Variants in BRME1 observed in about 807,000 individuals in gnomAD.
The protein encoded by BRME1 is BRCA2 and MEILB2-associating protein 1.
In BRME1, 31 loss-of-function variants were observed where a neutral mutation model predicts 52.6. The observed-to-expected ratio is 0.59, with a 90% CI of 0.44 to 0.80. The LOEUF (loss-of-function observed/expected upper bound fraction) is 0.80, where lower values mean the gene tolerates loss of function less well. Among genes scored for constraint, BRME1 ranks in the 30% least tolerant of loss-of-function variants. The probability of loss-of-function intolerance (pLI) is 0.00; values close to 1 mark genes in which losing one functional copy is unlikely to be tolerated. For missense variants in BRME1, 804 were observed against 860.3 expected (o/e 0.93, Z 0.82); for synonymous variants, 359 against 353.6 (o/e 1.02, Z -0.17).
chr19:13,891,610 AG>A (rs1311344223), intron 5 of BRME1, among the ~76,000 whole-genome samples: 2 of 151,744 alleles, frequency 1.3e-5, no homozygotes, highest in Admixed American at 1.3e-4. Context: ...CTGGGACTAC[AG>A]GTACACACCA....
At position 13,888,700 on chromosome 19, in the gene BRME1, A is replaced by C. The variant is rs575073838; in HGVS notation, c.1668+488T>G. Reference sequence around the variant, plus strand: ...ACTTATGTATGTTTGGAAAAGAATCATATCAGGACCCCCAGAGGACCCTAA... The same window carrying C: ...ACTTATGTATGTTTGGAAAAGAATCCTATCAGGACCCCCAGAGGACCCTAA... On this transcript the variant is annotated intron_variant, in intron 6 of 8. Coordinates refer to ENST00000586783, the MANE Select transcript of BRME1 (RefSeq NM_001345843.2). The surrounding 1 kb of genome is among the most constrained non-coding windows in gnomAD (Gnocchi z 4.1). Among the ~76,000 whole-genome samples the C allele has an allele frequency of 6.6e-6, 1 of 152,178 alleles. No individual in the cohort carries two copies. Among genetic ancestry groups the C allele is most frequent in the East Asian group, 1.9e-4 (1 of 5,192 alleles).
rs1968785936 is a variant in BRME1 at position 13,883,521 on chromosome 19, T to G, written c.1764-121A>C. 1 of 754,550 alleles carries G rather than the reference T, an allele frequency of 1.3e-6. No homozygotes were observed. Among genetic ancestry groups the G allele is most frequent in the Admixed American group, 2.3e-5 (1 of 44,312 alleles). 46.7% of individuals were successfully genotyped at this position (754,550 alleles called of 1,614,324 possible). A position where few individuals can be genotyped will look rare whatever the true frequency, so the allele number is the denominator to read the frequency against. ...TTTCCAGGTGTCCAGCCTGTCCTCC[T>G]CTGTTCACGACAGAACCCTGATGGC... On this transcript the variant is annotated intron_variant, in intron 7 of 8. Transcript: ENST00000586783. This position sits in a 1 kb window ranked among gnomAD's most constrained non-coding sequence, Gnocchi z 4.2.
At position 13,882,868 on chromosome 19, in the gene BRME1, G is replaced by C. The variant is rs757660155; in HGVS notation, c.1941C>G (p.Pro647=). 5 of 1,614,014 alleles carry C rather than the reference G, an allele frequency of 3.1e-6. No homozygotes were observed. The East Asian group carries it at 6.7e-5, about 22-fold the overall frequency. The change falls in exon 9 of 9, where the codon CCC becomes CCG. Residue 647 remains proline, a synonymous_variant. Coordinates refer to ENST00000586783, the MANE Select transcript of BRME1 (RefSeq NM_001345843.2). ...CAGGCCCCTTGGAAGGGTAAGGCAG[G>C]GGGGCTTTGCCTCCCAGCTTTGTCT... The part of the protein sequence containing the change: ...YRKTKLGGKA[P]LPYPSKGPGN...
In BRME1 at chr19:13,888,961, C is replaced by T. The variant is rs564572120; in HGVS notation, c.1668+227G>A. 1.3e-5 allele frequency among the ~76,000 whole-genome samples: 2 copies of T among 152,238 alleles called. No homozygotes were observed. Among genetic ancestry groups the T allele is most frequent in the South Asian group, 4.1e-4 (2 of 4,826 alleles). On this transcript the variant is annotated intron_variant, in intron 6 of 8. Coordinates refer to ENST00000586783, the MANE Select transcript of BRME1 (RefSeq NM_001345843.2). This position sits in a 1 kb window ranked among gnomAD's most constrained non-coding sequence, Gnocchi z 4.1. ...TGAGAAAGCAGCTGTGTGTCACCATCCCTAGATATGTCGACAACCACCAAA... is the reference window on the plus strand; with the variant it reads ...TGAGAAAGCAGCTGTGTGTCACCATTCCTAGATATGTCGACAACCACCAAA...
chr19:13,886,003 T>C lies in BRME1; in HGVS notation c.1721A>G (p.His574Arg), dbSNP rs751602961. 7.4e-6 allele frequency: 12 copies of C among 1,613,922 alleles called. No individual in the cohort carries two copies. The African/African-American group carries it at 1.3e-4, about 18-fold the overall frequency. The change falls in exon 7 of 9, where the codon CAT becomes CGT. Residue 574 changes from histidine to arginine, a missense_variant. Physicochemically the swap from His to Arg is conservative, Grantham distance 29 (BLOSUM62 0). Coordinates refer to ENST00000586783, the MANE Select transcript of BRME1 (RefSeq NM_001345843.2). ...PGPCWPGPSSHANGDPVAVAK... is the reference protein window; with the variant it reads ...PGPCWPGPSSRANGDPVAVAK... Reference sequence around the variant, plus strand: ...CACTGCAACAGGGTCTCCATTGGCATGTGAGCTGGGGCCCGGCCAGCAAGG... The same window carrying C: ...CACTGCAACAGGGTCTCCATTGGCACGTGAGCTGGGGCCCGGCCAGCAAGG...
At chr19:13,905,027 GCCCC>G in intron 1 of BRME1, 114 bp from the exon 2 acceptor site, 1 of 812,616 alleles carries the variant, frequency 1.2e-6, no homozygotes, top group Non-Finnish European at 2.1e-6. Context: ...CCATTTGGCT[GCCCC>G]AGGGGTCAGA....
rs562899562 is a variant in BRME1 at position 13,896,973 on chromosome 19, C to T, written c.32-1427G>A. Among the ~76,000 whole-genome samples, 50 of 151,986 alleles carry T rather than the reference C, an allele frequency of 3.3e-4. 1 individual carries two copies. The South Asian group carries it at 0.01, about 31-fold the overall frequency. Reference sequence around the variant, plus strand: ...TCGGCCTCCCAAAGTGCTGGAATTACAGGCATGAACCACTTTGCCTCGCCA... The same window carrying T: ...TCGGCCTCCCAAAGTGCTGGAATTATAGGCATGAACCACTTTGCCTCGCCA... On this transcript the variant is annotated intron_variant, in intron 2 of 8. Coordinates refer to ENST00000586783, the MANE Select transcript of BRME1 (RefSeq NM_001345843.2).
intron 2 of BRME1, among the ~76,000 whole-genome samples, chr19:13,898,593 G>A (rs1970073133): frequency 6.6e-6 from 1 of 151,848 alleles, no homozygotes; most frequent in African/African-American, 2.4e-5. Context: ...CTCAGCAACA[G>A]AGCTAGATCC....
chr19:13,882,995 C>T, intron 8 of BRME1, 43 bp from the exon 9 acceptor site: 2 of 1,592,526 alleles, frequency 1.3e-6, no homozygotes, highest in Non-Finnish European at 1.7e-6. Flanking sequence ...TCAGTGGTCA[C>T]CAGGTGACAG....
rs1204022204 is a variant in BRME1 at position 13,882,408 on chromosome 19, G to A, written c.*394C>T. ...TTCCCAGAAGAAATAAAATGGAAAT[G>A]GGGAGAAAGAAAACAAAGGGAGCTC... On this transcript the variant is annotated 3_prime_UTR_variant, in exon 9 of 9. Transcript: ENST00000586783. 7.3e-6 allele frequency: 3 copies of A among 410,012 alleles called. No individual in the cohort carries two copies. The highest frequency in any genetic ancestry group is 8.6e-6 in the Non-Finnish European group (2 of 233,050). 25.4% of individuals were successfully genotyped at this position (410,012 alleles called of 1,614,324 possible).
rs1396791748 is a variant in BRME1, at chr19:13,889,978, C to T, written c.878G>A (p.Gly293Asp). 1 of 1,612,688 alleles carries T rather than the reference C, an allele frequency of 6.2e-7. No individual in the cohort carries two copies. Among genetic ancestry groups the T allele is most frequent in the Admixed American group, 1.7e-5 (1 of 60,004 alleles). The change falls in exon 6 of 9, where the codon GGC becomes GAC. Residue 293 changes from glycine to aspartate, a missense_variant. This residue lies in a region of BRME1 where 552 missense variants were observed against 561.1 expected (regional missense o/e 0.98). Coordinates refer to ENST00000586783, the MANE Select transcript of BRME1 (RefSeq NM_001345843.2). ...GGGTTCCAGGCACCAAGAGGCAGGG[C>T]CCAGTCCTGGAGCAGGGCCTGAGGT... The part of the protein sequence containing the change: ...APTSGPAPGL[G>D]PASWCLEPGS...
Position 13,905,819 on chromosome 19 carries a change from GA to G in BRME1, c.-127del. On this transcript the variant is annotated 5_prime_UTR_variant, in exon 1 of 9. The change creates a premature stop within an existing upstream ORF in the 5' untranslated region. Coordinates refer to ENST00000586783, the MANE Select transcript of BRME1 (RefSeq NM_001345843.2). ...TGAATTATCCGCGTTACTCTTTTTG[GA>G]AAAAATAAATGGCCAAATTGGCCCT... is the stretch of plus-strand genomic sequence containing the variant. 1.3e-5 allele frequency: 2 copies of G among 152,230 alleles called. 1 individual carries two copies. Among genetic ancestry groups the G allele is most frequent in the Admixed American group, 1.3e-4 (2 of 15,290 alleles). 9.4% of individuals were successfully genotyped at this position (152,230 alleles called of 1,614,324 possible).
chr19:13,896,069 A>G (rs940639522), intron 2 of BRME1, among the ~76,000 whole-genome samples: 2 of 152,216 alleles, frequency 1.3e-5, no homozygotes, highest in African/African-American at 4.8e-5. Flanking sequence ...CAGGAGTTCA[A>G]GACCAGCCTG....
At position 13,889,954 on chromosome 19, in the gene BRME1, G is replaced by C. The variant is rs761978855; in HGVS notation, c.902C>G (p.Pro301Arg). ...AGGGGAGCCCTGGGCCACAGACCCG[G>C]GTTCCAGGCACCAAGAGGCAGGGCC... ...GLGPASWCLE[P>R]GSVAQGSPDP... Residue 301 changes from proline to arginine, a missense_variant, in exon 6 of 9, where the codon CCC becomes CGC. Physicochemically the swap from Pro to Arg is moderately radical, Grantham distance 103. Coordinates refer to ENST00000586783, the MANE Select transcript of BRME1 (RefSeq NM_001345843.2). The C allele has an allele frequency of 1.9e-6, 3 of 1,612,518 alleles. No individual in the cohort carries two copies. In the East Asian group the frequency reaches 6.7e-5, roughly 36 times the overall value.
chr19:13,903,571 G>A (rs370806787), intron 2 of BRME1, among the ~76,000 whole-genome samples: 1 of 145,710 alleles, frequency 6.9e-6, no homozygotes, highest in African/African-American at 2.7e-5. Flanking sequence ...TACTTAGGAG[G>A]CTGAGGCTGC....
intron 4 of BRME1, 52 bp from the exon 5 acceptor site, chr19:13,892,942 G>C (rs1166162876): frequency 6.4e-7 from 1 of 1,565,068 alleles, no homozygotes; most frequent in East Asian, 2.2e-5. Flanking sequence ...AGAGGAATGA[G>C]GTCTTAGGAA....
rs984861455 is a variant in BRME1 at position 13,882,702 on chromosome 19, G to A, written c.*100C>T. ...GAAGACCAACTTCCGGGCAACTGAA[G>A]GGAGGTTTGTAGGGTCCACTAGGAC... On this transcript the variant is annotated 3_prime_UTR_variant, in exon 9 of 9. Coordinates refer to ENST00000586783, the MANE Select transcript of BRME1 (RefSeq NM_001345843.2). 2.0e-6 allele frequency: 3 copies of A among 1,492,052 alleles called. No homozygotes were observed. The African/African-American group carries it at 4.3e-5, about 21-fold the overall frequency. 92.4% of individuals were successfully genotyped at this position (1,492,052 alleles called of 1,614,324 possible). A position where few individuals can be genotyped will look rare whatever the true frequency, so the allele number is the denominator to read the frequency against.
rs142492623 is a variant in BRME1 at position 13,887,266 on chromosome 19, C to T, written c.1669-1211G>A. Among the ~76,000 whole-genome samples, 1,363 of 152,350 alleles carry T rather than the reference C, an allele frequency of 8.9e-3. 15 individuals are homozygous for T. Among genetic ancestry groups the T allele is most frequent in the Non-Finnish European group, 9.9e-3 (672 of 68,042 alleles). On this transcript the variant is annotated intron_variant, in intron 6 of 8. Transcript: ENST00000586783. ...CTCGGCCTTCCTGCCGGGAGCCACC[C>T]GGAACCTTCCCACGGGAATGTGTTC...
At chr19:13,900,310 C>A in intron 2 of BRME1, among the ~76,000 whole-genome samples, 1 of 152,184 alleles carries the variant, frequency 6.6e-6, no homozygotes, top group Non-Finnish European at 1.5e-5. Context: ...CTCCACCCTT[C>A]CAGCACACAC....
Sources: gnomAD v4.1 joint callset for allele counts (sites outside exome capture counted in the v4.1 genomes callset) on GRCh38, gnomAD v4.1.1 for gene constraint, gnomAD v4.1.1 regional missense constraint, Gnocchi (gnomAD v3.1) non-coding constraint, MANE v1.5 for transcripts, NCBI Gene and HGNC (gene_info 2026-07-23, HGNC 2026-07-21) for gene names.